The following CNOT2 variants were observed in gnomAD, a reference collection of about 807,000 sequenced individuals.
CNOT2 encodes the protein CCR4-NOT transcription complex subunit 2.
In CNOT2, 7 loss-of-function variants were observed where a neutral mutation model predicts 72.1. The observed-to-expected ratio is 0.10, with a 90% CI of 0.06 to 0.18. The LOEUF is 0.18. CNOT2 is among the 10% of genes least tolerant of loss of function. CNOT2 has a pLI of 1.00. For synonymous variants in CNOT2, 196 were observed against 225.6 expected (o/e 0.87, Z 1.17); for missense variants, 345 against 660.3 (o/e 0.52, Z 5.23).
intron 1 of CNOT2, among the ~76,000 whole-genome samples, chr12:70,249,394 A>ATTAT (rs10637989): frequency 0.19 from 28,134 of 151,410 alleles, 2,994 homozygotes; most frequent in Admixed American, 0.33. Context: ...TTTTATATAT[A>ATTAT]TTAAAATAAG....
chr12:70,261,263 CT>C (rs1399744137), intron 1 of CNOT2, among the ~76,000 whole-genome samples: 6 of 132,086 alleles, frequency 4.5e-5, no homozygotes, highest in African/African-American at 1.7e-4. Flanking sequence ...TATTTGTTTT[CT>C]GGTATTTTGT....
At chr12:70,329,612 G>A in intron 5 of CNOT2, 42 bp downstream of exon 5, 3 of 1,463,396 alleles carry the variant, frequency 2.1e-6, no homozygotes, top group South Asian at 1.1e-5. Context: ...AATGTATCTT[G>A]GTAGAGTAAA....
chr12:70,302,194 G>GT (rs1401063886), intron 2 of CNOT2, among the ~76,000 whole-genome samples: 2 of 151,800 alleles, frequency 1.3e-5, no homozygotes, highest in East Asian at 1.9e-4. Flanking sequence ...TTTTTGAAGG[G>GT]TTTTTTGTGT....
chr12:70,266,647 A>T (rs1252344910), intron 1 of CNOT2, among the ~76,000 whole-genome samples: 3 of 152,072 alleles, frequency 2.0e-5, no homozygotes, highest in African/African-American at 7.2e-5. Flanking sequence ...CATTTAAGGG[A>T]TATTATGTCT....
At chr12:70,321,368 G>C (rs569126608) in intron 4 of CNOT2, among the ~76,000 whole-genome samples, 2 of 151,930 alleles carry the variant, frequency 1.3e-5, no homozygotes, top group South Asian at 4.1e-4. Flanking sequence ...AGGCCAAATA[G>C]GTCATTCAGC....
At chr12:70,337,252 T>G (rs553603414) in intron 8 of CNOT2, 137 bp from the exon 9 acceptor site, 2 of 603,534 alleles carry the variant, frequency 3.3e-6, no homozygotes, top group South Asian at 5.0e-5. Context: ...TGGATACTAA[T>G]TTTTTGAAGT....
At chr12:70,249,726 T>C (rs1958047526) in intron 1 of CNOT2, among the ~76,000 whole-genome samples, 1 of 152,084 alleles carries the variant, frequency 6.6e-6, no homozygotes, top group Non-Finnish European at 1.5e-5. Flanking sequence ...CAACAGCTGC[T>C]CATATTTTTA....
At chr12:70,330,586 A>G (rs879162882) in intron 6 of CNOT2, 117 bp downstream of exon 6, 5 of 552,410 alleles carry the variant, frequency 9.1e-6, no homozygotes, top group African/African-American at 1.9e-5. Context: ...GTGTTTCATC[A>G]TGCATTTATG....
At chr12:70,247,870 AGTG>A (rs1014536765) in intron 1 of CNOT2, among the ~76,000 whole-genome samples, 4 of 152,204 alleles carry the variant, frequency 2.6e-5, no homozygotes, top group Admixed American at 6.5e-5. Context: ...AGATTGGAAA[AGTG>A]GTGGGGAGAA....
chr12:70,347,745 C>T (rs1312350754), intron 15 of CNOT2: 1 of 151,782 alleles, frequency 6.6e-6, no homozygotes, highest in Non-Finnish European at 1.5e-5. Flanking sequence ...GTCTTTACTT[C>T]TCAGACCAAG....
chr12:70,250,999 T>C (rs563953292), intron 1 of CNOT2, among the ~76,000 whole-genome samples: 1 of 152,298 alleles, frequency 6.6e-6, no homozygotes, highest in African/African-American at 2.4e-5. Context: ...TCAGATGAAT[T>C]GCAGGGGTTG....
intron 2 of CNOT2, among the ~76,000 whole-genome samples, chr12:70,306,686 A>G (rs1373466638): frequency 6.6e-6 from 1 of 152,206 alleles, no homozygotes; most frequent in Non-Finnish European, 1.5e-5. Context: ...TAAGCCCTTG[A>G]CTTGTTTGCT....
chr12:70,260,228 C>T (rs940060493), intron 1 of CNOT2, among the ~76,000 whole-genome samples: 2 of 152,008 alleles, frequency 1.3e-5, no homozygotes, highest in African/African-American at 4.8e-5. Flanking sequence ...TGAAACTGAA[C>T]ATGGGATGTC....
Position 70,338,203 on chromosome 12 carries a change from T to C in CNOT2, c.901-240T>C, listed in dbSNP as rs1593268939. 12 of 344,760 alleles carry C rather than the reference T, an allele frequency of 3.5e-5. No homozygotes were observed. In the South Asian group the frequency reaches 6.8e-4, roughly 19 times the overall value. The allele number at this position is 344,760 out of a possible 1,614,324, so 21.4% of individuals were successfully genotyped here. A position where few individuals can be genotyped will look rare whatever the true frequency, so the allele number is the denominator to read the frequency against. ...TTTTTCTGTGACTGAAGATCTGAGATAAATAAGATATTTTCCCTTGATTTC... is the reference window on the plus strand; with the variant it reads ...TTTTTCTGTGACTGAAGATCTGAGACAAATAAGATATTTTCCCTTGATTTC... On this transcript the variant is annotated intron_variant, in intron 9 of 15. Transcript: ENST00000229195.
intron 11 of CNOT2, among the ~76,000 whole-genome samples, chr12:70,341,474 G>A (rs1026733361): frequency 3.9e-5 from 6 of 151,980 alleles, no homozygotes; most frequent in African/African-American, 1.5e-4. Flanking sequence ...TAATAATTAT[G>A]CATCCAGTCT....
At chr12:70,315,763 G>A (rs1877225372) in intron 3 of CNOT2, among the ~76,000 whole-genome samples, 1 of 152,094 alleles carries the variant, frequency 6.6e-6, no homozygotes, top group Non-Finnish European at 1.5e-5. Flanking sequence ...TTTAGAGTGT[G>A]CTGTAACTTG....
rs3049213 is a variant in CNOT2 at position 70,308,555 on chromosome 12, T to TTCTCTCTCTC, written c.49-2319_49-2310dup. Among the ~76,000 whole-genome samples the TTCTCTCTCTC allele has an allele frequency of 1.5e-3, 197 of 134,310 alleles. 4 individuals are homozygous for TTCTCTCTCTC. Among genetic ancestry groups the TTCTCTCTCTC allele is most frequent in the Admixed American group, 0.012 (148 of 12,154 alleles). The allele number at this position is 134,310 out of a possible 152,430, so 88.1% of individuals were successfully genotyped here. A position where few individuals can be genotyped will look rare whatever the true frequency, so the allele number is the denominator to read the frequency against. ...AAATTAAGCTTAAGTTTGGTATATTTTCTCTCTCTCTCTCTCTCTCTCTCT... is the reference window on the plus strand; with the variant it reads ...AAATTAAGCTTAAGTTTGGTATATTTTCTCTCTCTCTCTCTCTCTCTCTCTCTCTCTCTCT... On this transcript the variant is annotated intron_variant, in intron 2 of 15. Transcript: ENST00000229195.
chr12:70,332,521 A>G (rs1880111873), intron 6 of CNOT2: 1 of 408,316 alleles, frequency 2.4e-6, no homozygotes, highest in African/African-American at 2.1e-5. Context: ...AGGTTCATAT[A>G]TAAATTTTTG....
At chr12:70,317,611 A>ATTTTTT (rs529433652) in intron 3 of CNOT2, among the ~76,000 whole-genome samples, 1 of 105,456 alleles carries the variant, frequency 9.5e-6, no homozygotes, top group South Asian at 2.8e-4. Flanking sequence ...ATAAGGTTTG[A>ATTTTTT]TTTTTTTTTT....
Sources: gnomAD v4.1 joint callset for allele counts (sites outside exome capture counted in the v4.1 genomes callset) on GRCh38, gnomAD v4.1.1 for gene constraint, MANE v1.5 for transcripts, NCBI Gene and HGNC (gene_info 2026-07-23, HGNC 2026-07-21) for gene names.